The following SLC2A9 variants were observed in gnomAD, a reference collection of about 807,000 sequenced individuals.
The protein encoded by SLC2A9 is solute carrier family 2 member 9.
Under a neutral mutation model 50.6 loss-of-function variants are expected in SLC2A9, and 39 were observed. The observed-to-expected ratio is 0.77, with a 90% CI of 0.60 to 1.01. The LOEUF (loss-of-function observed/expected upper bound fraction) is 1.01, where lower values mean the gene tolerates loss of function less well. SLC2A9 is among the 50% of genes least tolerant of loss of function. The pLI, the probability that SLC2A9 is intolerant of heterozygous loss-of-function variation, is 0.00. For synonymous variants in SLC2A9, 324 were observed against 276.9 expected, an observed-to-expected ratio of 1.17 and a Z score of -1.69; for missense variants, 686 against 677.6, an observed-to-expected ratio of 1.01 and a Z score of -0.14.
At chr4:9,791,978 C>T (rs868167094) in intron 3 of SLC2A9, among the ~76,000 whole-genome samples, 5 of 152,034 alleles carry the variant, frequency 3.3e-5, no homozygotes, top group African/African-American at 1.2e-4. Flanking sequence ...CTTCACTATA[C>T]CCCAGGTACT....
intron 3 of SLC2A9, among the ~76,000 whole-genome samples, chr4:9,806,738 C>A (rs1366313014): frequency 6.6e-6 from 1 of 152,160 alleles, no homozygotes; most frequent in Non-Finnish European, 1.5e-5. Flanking sequence ...AGCTTCACAG[C>A]AACCTGGGAA....
chr4:9,799,702 C>CCCCG (rs1553813200), intron 3 of SLC2A9, among the ~76,000 whole-genome samples: 1 of 129,960 alleles, frequency 7.7e-6, no homozygotes, highest in Non-Finnish European at 1.6e-5. Context: ...ACCCCCCCCC[C>CCCCG]ACCCAACTTC....
At chr4:9,802,419 C>A (rs774176944) in intron 3 of SLC2A9, among the ~76,000 whole-genome samples, 1 of 151,838 alleles carries the variant, frequency 6.6e-6, no homozygotes, top group Non-Finnish European at 1.5e-5. Context: ...GGACAGCCAG[C>A]GCCATACTTG....
intron 5 of SLC2A9, among the ~76,000 whole-genome samples, chr4:9,978,081 C>T (rs948098775): frequency 3.9e-5 from 6 of 152,254 alleles, no homozygotes; most frequent in South Asian, 2.1e-4. Context: ...TATTTGCCAG[C>T]GATGTTTTCC....
intron 3 of SLC2A9, among the ~76,000 whole-genome samples, chr4:9,994,772 G>A (rs1480115428): frequency 6.6e-6 from 1 of 151,870 alleles, no homozygotes; most frequent in Non-Finnish European, 1.5e-5. Flanking sequence ...ATCTGCATGG[G>A]TTCAGAGCCT....
chr4:9,888,998 T>G (rs1736817666), intron 9 of SLC2A9, among the ~76,000 whole-genome samples: 1 of 152,122 alleles, frequency 6.6e-6, no homozygotes, highest in Non-Finnish European at 1.5e-5. Flanking sequence ...GCAGATATGG[T>G]TCATGCCAGG....
At chr4:9,944,838 C>CA (rs762001482) in intron 5 of SLC2A9, among the ~76,000 whole-genome samples, 7 of 152,214 alleles carry the variant, frequency 4.6e-5, no homozygotes, top group Non-Finnish European at 5.9e-5. Context: ...CCCTCACCTT[C>CA]TACCAAGAAA....
chr4:10,030,802 C>T (rs77705575), intron 1 of SLC2A9, among the ~76,000 whole-genome samples: 115 of 152,288 alleles, frequency 7.6e-4, no homozygotes, highest in African/African-American at 2.6e-3. Context: ...TCGAGCCCCT[C>T]TTATGTAGTA....
intron 1 of SLC2A9, among the ~76,000 whole-genome samples, chr4:10,037,994 C>A (rs567780964): frequency 6.6e-6 from 1 of 152,014 alleles, no homozygotes; most frequent in African/African-American, 2.4e-5. Flanking sequence ...GCAGGACCCA[C>A]GGTAGCTGTG....
At chr4:9,930,139 C>T (rs1006958828) in intron 6 of SLC2A9, among the ~76,000 whole-genome samples, 1 of 152,168 alleles carries the variant, frequency 6.6e-6, no homozygotes, top group African/African-American at 2.4e-5. Context: ...TCTCCCCTCC[C>T]CTCTCCTTCC....
intron 10 of SLC2A9, among the ~76,000 whole-genome samples, chr4:9,881,903 C>T (rs577017306): frequency 6.6e-5 from 10 of 152,358 alleles, no homozygotes; most frequent in African/African-American, 2.4e-4. Context: ...GATGACCTCC[C>T]TCCAGCGCTG....
chr4:9,853,954 A>C (rs1730349511), intron 10 of SLC2A9, among the ~76,000 whole-genome samples: 1 of 152,174 alleles, frequency 6.6e-6, no homozygotes, highest in Admixed American at 6.5e-5. Context: ...TAATGAGAAC[A>C]AATATATAAC....
rs992648450 is a variant in SLC2A9 at position 10,030,061 on chromosome 4, C to G, written c.-40-4055G>C. Among the ~76,000 whole-genome samples the G allele has an allele frequency of 9.9e-5, 15 of 152,192 alleles. No individual in the cohort carries two copies. The East Asian group carries it at 2.9e-3, about 29-fold the overall frequency. On this transcript the variant is annotated intron_variant, in intron 1 of 12. Coordinates refer to the SLC2A9 transcript ENST00000309065. The stretch of plus-strand genomic sequence containing the variant: ...TAAAATATATACATAAAAAGACATG[C>G]ATATATATGAATACCCAAAACATGT...
chr4:9,854,081 G>C (rs552387178), intron 10 of SLC2A9, among the ~76,000 whole-genome samples: 2 of 151,522 alleles, frequency 1.3e-5, no homozygotes, highest in African/African-American at 2.4e-5. Context: ...ATCACACCTA[G>C]AGGAATTAGC....
intron 5 of SLC2A9, among the ~76,000 whole-genome samples, chr4:9,975,478 G>C (rs1754635445): frequency 6.6e-6 from 1 of 152,172 alleles, no homozygotes; most frequent in African/African-American, 2.4e-5. Context: ...AGACATACAA[G>C]TGGCCAACAA....
At chr4:9,826,631 A>G (rs780904110) in intron 11 of SLC2A9, 31 bp from the exon 12 acceptor site, 12 of 1,596,680 alleles carry the variant, frequency 7.5e-6, no homozygotes, top group Non-Finnish European at 1.0e-5. Flanking sequence ...AAACCCTCAA[A>G]TAGATAATCA....
At chr4:9,858,516 G>T (rs537850848) in intron 10 of SLC2A9, among the ~76,000 whole-genome samples, 1 of 152,248 alleles carries the variant, frequency 6.6e-6, no homozygotes, top group South Asian at 2.1e-4. Flanking sequence ...TTTTATTGAT[G>T]AGTAGAGACA....
chr4:9,905,146 G>C (rs1740410306), intron 8 of SLC2A9, among the ~76,000 whole-genome samples: 2 of 152,238 alleles, frequency 1.3e-5, no homozygotes, highest in South Asian at 4.1e-4. Flanking sequence ...GTGCACCTTA[G>C]GTGTCTGTGG....
intron 7 of SLC2A9, among the ~76,000 whole-genome samples, chr4:9,913,377 TAGAG>T (rs1421758962): frequency 4.3e-5 from 5 of 117,302 alleles, no homozygotes; most frequent in Admixed American, 8.0e-5. Flanking sequence ...GAGAAACAGA[TAGAG>T]AGAGATAAAG....
Sources: gnomAD v4.1 joint callset for allele counts (sites outside exome capture counted in the v4.1 genomes callset) on GRCh38, gnomAD v4.1.1 for gene constraint, MANE v1.5 for transcripts, NCBI Gene and HGNC (gene_info 2026-07-23, HGNC 2026-07-21) for gene names.